Variants in MAPT observed in about 807,000 individuals in gnomAD.
MAPT encodes the protein microtubule associated protein tau, also known as microtubule-associated protein tau.
MAPT carries 34 observed loss-of-function variants against 67.9 expected under a neutral mutation model. The observed-to-expected ratio is 0.50, with a 90% CI of 0.38 to 0.67. The LOEUF is 0.67. MAPT is among the 30% of genes least tolerant of loss of function. The pLI is 0.00. For synonymous variants in MAPT, 456 were observed against 464.5 expected, an observed-to-expected ratio of 0.98 and a Z score of 0.23; for missense variants, 881 against 1,115.2, an observed-to-expected ratio of 0.79 and a Z score of 2.99.
chr17:46,003,445 A>ATT (rs2075184873), intron 9 of MAPT, among the ~76,000 whole-genome samples: 1 of 151,706 alleles, frequency 6.6e-6, no homozygotes, highest in Non-Finnish European at 1.5e-5. Context: ...TGCCTAGCAA[A>ATT]TTTTTATATT....
At position 46,010,277 on chromosome 17, in the gene MAPT, C is replaced by A; in HGVS notation, c.1999-33C>A. 6.9e-7 allele frequency: 1 copy of A among 1,443,306 alleles called. No homozygotes were observed. Among genetic ancestry groups the A allele is most frequent in the Non-Finnish European group, 9.5e-7 (1 of 1,048,698 alleles). The allele number at this position is 1,443,306 out of a possible 1,614,324, so 89.4% of individuals were successfully genotyped here. ...GAGCAAGCAGGCGGGTCCAGGGTGGCGTGTCACTCATCCTTTTTTCTGGCT... is the reference window on the plus strand; with the variant it reads ...GAGCAAGCAGGCGGGTCCAGGGTGGAGTGTCACTCATCCTTTTTTCTGGCT... On this transcript the variant is annotated intron_variant, in intron 9 of 12. Transcript: ENST00000262410. This position sits in a 1 kb window ranked among gnomAD's most constrained non-coding sequence, Gnocchi z 4.7.
rs549409052 is a variant in MAPT, at chr17:45,981,511, G to A, written c.287-1355G>A. ...GGGCCGTCACTGTCTGCCGTGCAGA[G>A]CCCTTCCTCCCACGGGGGCCTACCT... On this transcript the variant is annotated intron_variant, in intron 4 of 12. Transcript: ENST00000262410. Among the ~76,000 whole-genome samples the A allele has an allele frequency of 1.6e-4, 25 of 152,320 alleles. No individual in the cohort carries two copies. The East Asian group carries it at 4.6e-3, about 28-fold the overall frequency.
intron 1 of MAPT, among the ~76,000 whole-genome samples, chr17:45,930,856 G>A (rs1286305346): frequency 7.2e-5 from 11 of 152,130 alleles, no homozygotes; most frequent in Non-Finnish European, 1.3e-4. Context: ...TCATGGCTGC[G>A]GGGACTACAC....
chr17:45,935,737 G>T (rs17650417), intron 1 of MAPT, among the ~76,000 whole-genome samples: 21,789 of 152,020 alleles, frequency 0.14, 2,131 homozygotes, highest in Middle Eastern at 0.22. Flanking sequence ...GCCTGATGAT[G>T]GCCCTGTCAC....
chr17:46,023,227 C>T (rs1283571544), intron 12 of MAPT, among the ~76,000 whole-genome samples: 1 of 152,216 alleles, frequency 6.6e-6, no homozygotes, highest in African/African-American at 2.4e-5. Context: ...CCCACTTACA[C>T]GTGTGTGACA....
rs1318331034 is a variant in MAPT, at chr17:45,915,340, A to G, written c.-18+20654A>G. On this transcript the variant is annotated intron_variant, in intron 1 of 12. Transcript: ENST00000262410. This position sits in a 1 kb window ranked among gnomAD's most constrained non-coding sequence, Gnocchi z 4.4. ...TGTGTGTGTAGTGTGTGTGTGAAGT[A>G]TGTGGTGTGTATGTGTGACGTGAGG... 7.0e-6 allele frequency among the ~76,000 whole-genome samples: 1 copy of G among 143,808 alleles called. No homozygotes were observed. The highest frequency in any genetic ancestry group is 2.1e-4 in the East Asian group (1 of 4,794). 94.3% of individuals were successfully genotyped at this position (143,808 alleles called of 152,430 possible). A position where few individuals can be genotyped will look rare whatever the true frequency, so the allele number is the denominator to read the frequency against.
chr17:45,943,871 C>T (rs536133960), intron 1 of MAPT, among the ~76,000 whole-genome samples: 19 of 152,324 alleles, frequency 1.2e-4, no homozygotes, highest in African/African-American at 3.8e-4. Context: ...ACTTCTGAGA[C>T]CTTCCCGGAA....
At chr17:45,941,487 C>G (rs1431809714) in intron 1 of MAPT, among the ~76,000 whole-genome samples, 2 of 151,962 alleles carry the variant, frequency 1.3e-5, no homozygotes, top group African/African-American at 4.8e-5. Flanking sequence ...GCTTCTACCC[C>G]AGGGGTGTAG....
chr17:45,895,025 C>A (rs2063068873), intron 1 of MAPT: 1 of 153,954 alleles, frequency 6.5e-6, no homozygotes, highest in Non-Finnish European at 1.4e-5. Flanking sequence ...TCACTCTCGA[C>A]TGCAGCCTTT....
chr17:45,896,915 C>G lies in MAPT; in HGVS notation c.-18+2229C>G, dbSNP rs1217073388. The G allele has an allele frequency of 6.6e-6, 1 of 152,194 alleles. No homozygotes were observed. Among genetic ancestry groups the G allele is most frequent in the Non-Finnish European group, 1.5e-5 (1 of 68,042 alleles). The allele number at this position is 152,194 out of a possible 1,614,324, so 9.4% of individuals were successfully genotyped here. A position where few individuals can be genotyped will look rare whatever the true frequency, so the allele number is the denominator to read the frequency against. On this transcript the variant is annotated intron_variant, in intron 1 of 12. Coordinates refer to ENST00000262410, the MANE Select transcript of MAPT (RefSeq NM_001377265.1). This position sits in a 1 kb window ranked among gnomAD's most constrained non-coding sequence, Gnocchi z 5.6. The stretch of plus-strand genomic sequence containing the variant: ...TTCTGGTTAATTCTATCGCTGAAAA[C>G]TGGTGCGGGGGGCGCACTTCTGAGA...
At chr17:45,977,587 G>C (rs990276570) in intron 3 of MAPT, 11 of 152,268 alleles carry the variant, frequency 7.2e-5, no homozygotes, top group African/African-American at 2.2e-4. Flanking sequence ...ATTGATTTTG[G>C]TACTATTAAT....
intron 1 of MAPT, among the ~76,000 whole-genome samples, chr17:45,961,420 C>T (rs1430448693): frequency 6.6e-6 from 1 of 152,192 alleles, no homozygotes. Flanking sequence ...CGTTGGAACA[C>T]ACACGTGGGG....
At chr17:45,909,801 A>G (rs1378543596) in intron 1 of MAPT, among the ~76,000 whole-genome samples, 1 of 135,200 alleles carries the variant, frequency 7.4e-6, no homozygotes, top group East Asian at 2.4e-4. Flanking sequence ...TGAATCCAGG[A>G]GGTGGTTGCA....
At chr17:45,967,263 T>C (rs1251701760) in intron 2 of MAPT, among the ~76,000 whole-genome samples, 1 of 152,164 alleles carries the variant, frequency 6.6e-6, no homozygotes, top group African/African-American at 2.4e-5. Context: ...GACATGCAAA[T>C]GGGGCTTCTT....
chr17:45,994,561 G>A lies in MAPT; in HGVS notation c.1733-1838G>A, dbSNP rs764392149. Among the ~76,000 whole-genome samples, 8 of 152,324 alleles carry A rather than the reference G, an allele frequency of 5.3e-5. No homozygotes were observed. In the South Asian group the frequency reaches 1.2e-3, roughly 24 times the overall value. ...AAATCCGCAGGGCACGGTGGCTCAC[G>A]TCTATAATCCCGGCACTTTGGGAGG... On this transcript the variant is annotated intron_variant, in intron 8 of 12. Coordinates refer to ENST00000262410, the MANE Select transcript of MAPT (RefSeq NM_001377265.1).
chr17:45,986,652 G>A (rs2073569915), intron 5 of MAPT, among the ~76,000 whole-genome samples: 1 of 152,222 alleles, frequency 6.6e-6, no homozygotes, highest in Non-Finnish European at 1.5e-5. Flanking sequence ...TCCATGGAGT[G>A]GGGCTGGTCC....
chr17:46,011,059 C>T (rs1203214956), intron 10 of MAPT, among the ~76,000 whole-genome samples: 1 of 152,248 alleles, frequency 6.6e-6, no homozygotes, highest in Non-Finnish European at 1.5e-5. Context: ...CTCTGCCCAG[C>T]GTTGAGGTGT....
intron 1 of MAPT, among the ~76,000 whole-genome samples, chr17:45,936,991 A>G (rs2067390895): frequency 6.6e-6 from 1 of 152,092 alleles, no homozygotes; most frequent in South Asian, 2.1e-4. Flanking sequence ...TCATGGCTCA[A>G]AGTGGTAAAG....
intron 7 of MAPT, 56 bp downstream of exon 7, chr17:45,990,131 G>T: frequency 6.5e-7 from 1 of 1,537,142 alleles, no homozygotes; most frequent in Non-Finnish European, 9.0e-7. Flanking sequence ...TTGCAAATGT[G>T]GGGTTTGTTT....
Sources: gnomAD v4.1 joint callset for allele counts (sites outside exome capture counted in the v4.1 genomes callset) on GRCh38, gnomAD v4.1.1 for gene constraint, Gnocchi (gnomAD v3.1) non-coding constraint, MANE v1.5 for transcripts, NCBI Gene and HGNC (gene_info 2026-07-23, HGNC 2026-07-21) for gene names.